The following CCDC85A variants were observed in gnomAD, a reference collection of about 807,000 sequenced individuals.
CCDC85A encodes coiled-coil domain-containing protein 85A.
CCDC85A carries 38 observed loss-of-function variants against 50.2 expected under a neutral mutation model. The observed-to-expected ratio is 0.76, with a 90% CI of 0.58 to 0.99. CCDC85A has a LOEUF of 0.99. Ranked by LOEUF, CCDC85A falls within the 50% of genes least tolerant of loss-of-function variation. The pLI is 0.00. For missense variants in CCDC85A, 820 were observed against 742.0 expected (o/e 1.11, Z -1.22); for synonymous variants, 366 against 301.4 (o/e 1.21, Z -2.22).
At chr2:56,273,687 A>AAAATATAT (rs1162259314) in intron 2 of CCDC85A, among the ~76,000 whole-genome samples, 2 of 148,234 alleles carry the variant, frequency 1.3e-5, no homozygotes, top group African/African-American at 5.0e-5. Flanking sequence ...TGGGTTTCAG[A>AAAATATAT]ATATATATAT....
intron 2 of CCDC85A, among the ~76,000 whole-genome samples, chr2:56,255,335 G>A (rs888837900): frequency 6.6e-6 from 1 of 152,196 alleles, no homozygotes; most frequent in African/African-American, 2.4e-5. Flanking sequence ...TAAAATGTGG[G>A]TGGTGAAGAA....
At chr2:56,243,237 T>C (rs1669345102) in intron 2 of CCDC85A, among the ~76,000 whole-genome samples, 1 of 152,210 alleles carries the variant, frequency 6.6e-6, no homozygotes, top group African/African-American at 2.4e-5. Context: ...CCTGTTTCTT[T>C]CTGTACCTCC....
At position 56,384,783 on chromosome 2, in the gene CCDC85A, A is replaced by G. The variant is rs1676752771; in HGVS notation, c.*428A>G. 1 of 155,006 alleles carries G rather than the reference A, an allele frequency of 6.5e-6. No individual in the cohort carries two copies. Among genetic ancestry groups the G allele is most frequent in the Admixed American group, 6.4e-5 (1 of 15,592 alleles). 9.6% of individuals were successfully genotyped at this position (155,006 alleles called of 1,614,324 possible). ...TGGTAGGAGTTTTCTACCATATCAT[A>G]TTGAAGATATGAAGAGGTATTTTCC... On this transcript the variant is annotated 3_prime_UTR_variant, in exon 6 of 6. Transcript: ENST00000407595.
At chr2:56,258,392 G>T (rs554035674) in intron 2 of CCDC85A, among the ~76,000 whole-genome samples, 139 of 152,176 alleles carry the variant, frequency 9.1e-4, no homozygotes, top group African/African-American at 3.3e-3. Flanking sequence ...AGGAAAGACA[G>T]TGTGTTTTTC....
At chr2:56,352,609 G>A (rs1456267471) in intron 3 of CCDC85A, among the ~76,000 whole-genome samples, 1 of 152,188 alleles carries the variant, frequency 6.6e-6, no homozygotes, top group African/African-American at 2.4e-5. Context: ...GCCTCCCAAA[G>A]TGCTGGGATT....
intron 2 of CCDC85A, among the ~76,000 whole-genome samples, chr2:56,300,154 G>T (rs1021238493): frequency 6.6e-6 from 1 of 152,020 alleles, no homozygotes; most frequent in African/African-American, 2.4e-5. Context: ...GGCCTGTTAG[G>T]TTATCAATGC....
chr2:56,373,719 A>G (rs1405601100), intron 4 of CCDC85A, among the ~76,000 whole-genome samples: 1 of 152,232 alleles, frequency 6.6e-6, no homozygotes, highest in African/African-American at 2.4e-5. Context: ...CTTCTAAGTC[A>G]GAGGAAATAT....
chr2:56,223,037 A>G (rs1668394416), intron 2 of CCDC85A, among the ~76,000 whole-genome samples: 2 of 152,104 alleles, frequency 1.3e-5, no homozygotes, highest in Admixed American at 1.3e-4. Context: ...AAGGTTTTCT[A>G]TTGGTAGGAT....
At chr2:56,270,348 T>A (rs1266508882) in intron 2 of CCDC85A, among the ~76,000 whole-genome samples, 1 of 152,216 alleles carries the variant, frequency 6.6e-6, no homozygotes, top group African/African-American at 2.4e-5. Flanking sequence ...GCTGATTTTT[T>A]AAATGAAGAA....
At chr2:56,237,173 C>T (rs1669056468) in intron 2 of CCDC85A, among the ~76,000 whole-genome samples, 1 of 152,166 alleles carries the variant, frequency 6.6e-6, no homozygotes, top group African/African-American at 2.4e-5. Flanking sequence ...GCAAAGCTTG[C>T]TCAGTGTGAA....
chr2:56,327,956 C>T (rs906040613), intron 2 of CCDC85A, among the ~76,000 whole-genome samples: 11 of 151,496 alleles, frequency 7.3e-5, no homozygotes, highest in Non-Finnish European at 1.3e-4. Flanking sequence ...TATTAATTCA[C>T]TTGATTTTCA....
At chr2:56,361,202 G>C (rs990651888) in intron 3 of CCDC85A, among the ~76,000 whole-genome samples, 1 of 151,918 alleles carries the variant, frequency 6.6e-6, no homozygotes, top group African/African-American at 2.4e-5. Flanking sequence ...TGCAGTGAGC[G>C]GAGATCGCGC....
chr2:56,259,401 C>G (rs955816749), intron 2 of CCDC85A, among the ~76,000 whole-genome samples: 2 of 152,136 alleles, frequency 1.3e-5, no homozygotes, highest in Non-Finnish European at 2.9e-5. Flanking sequence ...ATATCCCAGC[C>G]TATTGCTCCA....
chr2:56,343,577 A>G (rs1420801489), intron 3 of CCDC85A, among the ~76,000 whole-genome samples: 4 of 152,190 alleles, frequency 2.6e-5, no homozygotes, highest in Non-Finnish European at 5.9e-5. Flanking sequence ...TGTTAACTTG[A>G]TGAGAATGAT....
intron 2 of CCDC85A, among the ~76,000 whole-genome samples, chr2:56,205,994 A>T (rs1251541549): frequency 6.6e-6 from 1 of 152,068 alleles, no homozygotes; most frequent in African/African-American, 2.4e-5. Flanking sequence ...TTGAATTTAG[A>T]TAGGCTGGCA....
At chr2:56,354,975 A>G (rs1197424631) in intron 3 of CCDC85A, among the ~76,000 whole-genome samples, 1 of 152,180 alleles carries the variant, frequency 6.6e-6, no homozygotes, top group Middle Eastern at 3.2e-3. Flanking sequence ...CACAGAAATG[A>G]TAACAGTGTT....
intron 2 of CCDC85A, among the ~76,000 whole-genome samples, chr2:56,264,222 T>C (rs908875702): frequency 4.6e-5 from 7 of 152,150 alleles, no homozygotes; most frequent in Non-Finnish European, 1.0e-4. Flanking sequence ...GCTTGAACTT[T>C]CCTTCAGAAC....
intron 1 of CCDC85A, among the ~76,000 whole-genome samples, chr2:56,187,891 C>A (rs999976339): frequency 6.6e-6 from 1 of 152,156 alleles, no homozygotes; most frequent in Non-Finnish European, 1.5e-5. Flanking sequence ...GGGGCTGATT[C>A]GGGATGAATC....
intron 2 of CCDC85A, among the ~76,000 whole-genome samples, chr2:56,202,696 C>A (rs1441008353): frequency 1.3e-5 from 2 of 152,234 alleles, no homozygotes; most frequent in Non-Finnish European, 2.9e-5. Flanking sequence ...AGTACACTTA[C>A]ATTCCTCTTT....
Sources: gnomAD v4.1 joint callset for allele counts (sites outside exome capture counted in the v4.1 genomes callset) on GRCh38, gnomAD v4.1.1 for gene constraint, MANE v1.5 for transcripts, NCBI Gene and HGNC (gene_info 2026-07-23, HGNC 2026-07-21) for gene names.